SENP5: variants seen among roughly 807,000 people sequenced by gnomAD.
SENP5 encodes the protein SUMO specific peptidase 5.
SENP5 carries 21 observed loss-of-function variants against 74.2 expected under a neutral mutation model. That is an observed-to-expected ratio of 0.28 (90% CI 0.20 to 0.41). The LOEUF is 0.41. Ranked by LOEUF, SENP5 falls within the 10% of genes least tolerant of loss-of-function variation. SENP5 has a pLI of 1.00. For synonymous variants in SENP5, 311 were observed against 312.7 expected (o/e 0.99, Z 0.06); for missense variants, 717 against 889.1 (o/e 0.81, Z 2.46).
chr3:196,886,586 G>T lies in SENP5; in HGVS notation c.1405G>T (p.Ala469Ser). 6.2e-7 allele frequency: 1 copy of T among 1,613,760 alleles called. No homozygotes were observed. Among genetic ancestry groups the T allele is most frequent in the Non-Finnish European group, 8.5e-7 (1 of 1,179,898 alleles). Residue 469 changes from alanine to serine, a missense_variant, in exon 2 of 10, where the codon GCT (alanine) becomes TCT (serine). By Grantham distance (99) the Ala-to-Ser change is moderately conservative. Coordinates refer to ENST00000323460, the MANE Select transcript of SENP5 (RefSeq NM_152699.5). ...DHPYCKSPLE[A>S]PLVCSGLKLE... ...CCCTTACTGTAAAAGTCCACTGGAG[G>T]CTCCCTTGGTGTGCAGTGGACTCAA...
chr3:196,911,809 CA>C (rs372716868), intron 6 of SENP5, among the ~76,000 whole-genome samples: 4 of 147,584 alleles, frequency 2.7e-5, no homozygotes, highest in African/African-American at 7.5e-5. Context: ...GACTCCGTCT[CA>C]AAAAAAAACA....
chr3:196,878,794 G>A (rs1018201280), intron 1 of SENP5, among the ~76,000 whole-genome samples: 2 of 152,054 alleles, frequency 1.3e-5, no homozygotes, highest in East Asian at 1.9e-4. Flanking sequence ...GTTTCACCAC[G>A]TTGGCCAGGC....
At chr3:196,900,783 A>G (rs2108837153) in intron 5 of SENP5, among the ~76,000 whole-genome samples, 1 of 151,216 alleles carries the variant, frequency 6.6e-6, no homozygotes, top group East Asian at 2.0e-4. Context: ...ACAGGGTTTC[A>G]TCATATTGGT....
chr3:196,876,070 A>G (rs755242330), intron 1 of SENP5, among the ~76,000 whole-genome samples: 1 of 152,146 alleles, frequency 6.6e-6, no homozygotes, highest in Non-Finnish European at 1.5e-5. Flanking sequence ...TTACATGTTT[A>G]TTTCATATTA....
At chr3:196,893,891 C>CA (rs1415191896) in intron 2 of SENP5, among the ~76,000 whole-genome samples, 2 of 136,134 alleles carry the variant, frequency 1.5e-5, no homozygotes, top group Non-Finnish European at 3.1e-5. Flanking sequence ...GCCTGGGTGA[C>CA]AGAGTGAGAC....
At position 196,900,917 on chromosome 3, in the gene SENP5, A is replaced by G. The variant is rs371642115; in HGVS notation, c.1806+505A>G. On this transcript the variant is annotated intron_variant, in intron 5 of 9. Coordinates refer to ENST00000323460, the MANE Select transcript of SENP5 (RefSeq NM_152699.5). ...CAAATCACTTCAGCATAAGAAAATC[A>G]CTGTGCAATTGTTTTCCTATTTATT... Among the ~76,000 whole-genome samples the G allele has an allele frequency of 3.3e-5, 5 of 151,412 alleles. No individual in the cohort carries two copies. In the East Asian group the frequency reaches 7.9e-4, roughly 24 times the overall value.
In SENP5 at chr3:196,885,196, G is replaced by A; in HGVS notation, c.15G>A (p.Arg5=). ...GCATCAGAAAAATGAAAAAACAGAGGAAAATTCTATGGAGGAAAGGAATCC... is the reference window on the plus strand; with the variant it reads ...GCATCAGAAAAATGAAAAAACAGAGAAAAATTCTATGGAGGAAAGGAATCC... MKKQ[R]KILWRKGIHL... Residue 5 remains arginine (R), a synonymous_variant, in exon 2 of 10, where the codon AGG becomes AGA. Coordinates refer to ENST00000323460, the MANE Select transcript of SENP5 (RefSeq NM_152699.5). 1 of 1,610,272 alleles carries A rather than the reference G, an allele frequency of 6.2e-7. No individual in the cohort carries two copies.
At chr3:196,927,411 A>T (rs1715853407) in intron 7 of SENP5, among the ~76,000 whole-genome samples, 1 of 152,154 alleles carries the variant, frequency 6.6e-6, no homozygotes, top group South Asian at 2.1e-4. Context: ...CACAGTCTTG[A>T]TGCATACCTT....
chr3:196,896,103 A>G (rs1714429857), intron 2 of SENP5, among the ~76,000 whole-genome samples: 1 of 152,166 alleles, frequency 6.6e-6, no homozygotes, highest in Non-Finnish European at 1.5e-5. Context: ...TCTGTTTCTG[A>G]GTAAAATAAA....
In SENP5 at chr3:196,899,033, C is replaced by G. The variant is rs558009408; in HGVS notation, c.1514-633C>G. 3.1e-3 allele frequency among the ~76,000 whole-genome samples: 457 copies of G among 148,844 alleles called. 2 individuals are homozygous for G. The highest frequency in any genetic ancestry group is 0.011 in the African/African-American group (441 of 40,200). On this transcript the variant is annotated intron_variant, in intron 2 of 9. Transcript: ENST00000323460. Reference sequence around the variant, plus strand: ...GGTGGAGCTTGTAGTGAGCAGAGATCGTGCCACTGCACTCCAGCCTGGGCA... The same window carrying G: ...GGTGGAGCTTGTAGTGAGCAGAGATGGTGCCACTGCACTCCAGCCTGGGCA...
At chr3:196,929,517 T>TTGA (rs1715944942) in intron 8 of SENP5, 116 bp from the exon 9 acceptor site, 9 of 603,952 alleles carry the variant, frequency 1.5e-5, no homozygotes, top group Non-Finnish European at 2.3e-5. Flanking sequence ...ATATACCAGC[T>TTGA]GTCCTGGAGA....
At chr3:196,870,936 C>T (rs562631013) in intron 1 of SENP5, among the ~76,000 whole-genome samples, 48 of 151,484 alleles carry the variant, frequency 3.2e-4, no homozygotes, top group Admixed American at 2.5e-3. Flanking sequence ...TTTGGGAGGC[C>T]GAGGCGGGTG....
chr3:196,902,308 G>A (rs1321328214), intron 5 of SENP5, among the ~76,000 whole-genome samples: 2 of 152,112 alleles, frequency 1.3e-5, no homozygotes, highest in Non-Finnish European at 2.9e-5. Flanking sequence ...TTTATTTTTG[G>A]TAGAGCCAGG....
At chr3:196,914,580 A>ATATATATATATATAT (rs1346805512) in intron 6 of SENP5, 6 of 70,142 alleles carry the variant, frequency 8.6e-5, no homozygotes, top group African/African-American at 2.5e-4. Flanking sequence ...AAAAAAAAAA[A>ATATATATATATATAT]AAAAAAATAT....
chr3:196,925,095 CAAT>C (rs1715762657), intron 7 of SENP5, among the ~76,000 whole-genome samples: 1 of 151,010 alleles, frequency 6.6e-6, no homozygotes, highest in African/African-American at 2.4e-5. Context: ...TTTTTTATAT[CAAT>C]GATTATTACC....
intron 6 of SENP5, among the ~76,000 whole-genome samples, chr3:196,909,422 C>T (rs1429351514): frequency 6.6e-6 from 1 of 152,194 alleles, no homozygotes; most frequent in Non-Finnish European, 1.5e-5. Flanking sequence ...ATGAGGCCGG[C>T]ATCATCCTGA....
At chr3:196,929,979 C>T (rs1715966974) in intron 9 of SENP5, among the ~76,000 whole-genome samples, 1 of 117,632 alleles carries the variant, frequency 8.5e-6, no homozygotes, top group Non-Finnish European at 1.7e-5. Context: ...TAACCATTGG[C>T]ATTTGCATAA....
rs553031947 is a variant in SENP5 at position 196,888,857 on chromosome 3, C to T, written c.1513+2163C>T. Among the ~76,000 whole-genome samples, 53 of 152,154 alleles carry T rather than the reference C, an allele frequency of 3.5e-4. 1 individual carries two copies. Among genetic ancestry groups the T allele is most frequent in the African/African-American group, 1.2e-3 (51 of 41,516 alleles). ...TCTGGCTGGGCACGGTGGCTCATGC[C>T]TGTTATCCCAGCACTTTGGGAGGCC... On this transcript the variant is annotated intron_variant, in intron 2 of 9. Coordinates refer to ENST00000323460, the MANE Select transcript of SENP5 (RefSeq NM_152699.5).
intron 2 of SENP5, among the ~76,000 whole-genome samples, chr3:196,888,137 C>T (rs1424769722): frequency 6.6e-6 from 1 of 152,176 alleles, no homozygotes; most frequent in Non-Finnish European, 1.5e-5. Context: ...GAAGCCTTCT[C>T]TTGTCAAAAA....
Sources: gnomAD v4.1 joint callset for allele counts (sites outside exome capture counted in the v4.1 genomes callset) on GRCh38, gnomAD v4.1.1 for gene constraint, MANE v1.5 for transcripts, NCBI Gene and HGNC (gene_info 2026-07-23, HGNC 2026-07-21) for gene names.